The following ABHD3 variants were observed in gnomAD, a reference collection of about 807,000 sequenced individuals.
ABHD3 encodes the protein phospholipase ABHD3.
ABHD3 carries 46 observed loss-of-function variants against 48.8 expected under a neutral mutation model. The ratio of observed to expected loss-of-function variants is 0.94; its 90% CI spans 0.74 to 1.20. ABHD3 has a LOEUF of 1.20. Ranked by LOEUF, ABHD3 falls within the 50% of genes most tolerant of loss-of-function variation. ABHD3 has a pLI of 0.00. For synonymous variants in ABHD3, 192 were observed against 183.7 expected, an observed-to-expected ratio of 1.04 and a Z score of -0.36; for missense variants, 490 against 497.8, an observed-to-expected ratio of 0.98 and a Z score of 0.15.
intron 4 of ABHD3, among the ~76,000 whole-genome samples, chr18:21,669,790 T>C (rs1206175373): frequency 6.6e-6 from 1 of 152,166 alleles, no homozygotes; most frequent in East Asian, 1.9e-4. Flanking sequence ...GCACAGCTGA[T>C]AAACTGCCCA....
At chr18:21,651,807 G>A (rs1377388647) in intron 8 of ABHD3, 44 bp from the exon 9 acceptor site, 35 of 1,276,444 alleles carry the variant, frequency 2.7e-5, no homozygotes, top group Middle Eastern at 2.1e-4. Context: ...AAGAAGGAGA[G>A]AGAAAAATAT....
intron 4 of ABHD3, among the ~76,000 whole-genome samples, chr18:21,671,110 G>A (rs944066764): frequency 6.6e-6 from 1 of 152,162 alleles, no homozygotes; most frequent in East Asian, 1.9e-4. Flanking sequence ...TGTCCAGCCT[G>A]CTCCATGCCC....
At chr18:21,697,269 G>A (rs1180530235) in intron 3 of ABHD3, among the ~76,000 whole-genome samples, 2 of 151,876 alleles carry the variant, frequency 1.3e-5, no homozygotes, top group East Asian at 3.9e-4. Context: ...GAGAGGGGGT[G>A]TCACCATATT....
Position 21,675,262 on chromosome 18 carries a change from G to GTTTT in ABHD3, c.555+8654_555+8657dup, listed in dbSNP as rs61119109. 5.3e-4 allele frequency among the ~76,000 whole-genome samples: 45 copies of GTTTT among 85,492 alleles called. 1 individual carries two copies. The highest frequency in any genetic ancestry group is 9.7e-4 in the South Asian group (2 of 2,068). The allele number at this position is 85,492 out of a possible 152,430, so 56.1% of individuals were successfully genotyped here. A position where few individuals can be genotyped will look rare whatever the true frequency, so the allele number is the denominator to read the frequency against. On this transcript the variant is annotated intron_variant, in intron 4 of 8. Transcript: ENST00000289119. ...TGTCCTCATCTGTGGAATGAGGTGG[G>GTTTT]TTTTTTTTTTTTTTTTTTTTTTTTG... is the stretch of plus-strand genomic sequence containing the variant.
chr18:21,667,082 T>C (rs572860419), intron 4 of ABHD3, among the ~76,000 whole-genome samples: 1 of 106,636 alleles, frequency 9.4e-6, no homozygotes, highest in South Asian at 2.9e-4. Context: ...ATTACATTTT[T>C]TTTTTTTTTT....
chr18:21,677,981 AC>A (rs2039925160), intron 4 of ABHD3, among the ~76,000 whole-genome samples: 1 of 151,242 alleles, frequency 6.6e-6, no homozygotes, highest in East Asian at 1.9e-4. Flanking sequence ...TTTTTTAGAG[AC>A]AGGGTCTCTG....
Position 21,704,686 on chromosome 18 carries a change from G to C in ABHD3, c.-21C>G, listed in dbSNP as rs1951294824. The C allele has an allele frequency of 7.0e-7, 1 of 1,433,834 alleles. No homozygotes were observed. Among genetic ancestry groups the C allele is most frequent in the African/African-American group, 1.7e-5 (1 of 57,800 alleles). 88.8% of individuals were successfully genotyped at this position (1,433,834 alleles called of 1,614,324 possible). ...TGCATGGCCCCCGAGCGCGGCGCGC[G>C]GGTCCTGCGGCGGGAGGAGAGCCGG... On this transcript the variant is annotated 5_prime_UTR_variant, in exon 1 of 9. Transcript: ENST00000289119.
Position 21,651,112 on chromosome 18 carries a change from TTTATC to T in ABHD3, c.*474_*478del, listed in dbSNP as rs1275382844. The T allele has an allele frequency of 2.6e-5, 4 of 152,398 alleles. No individual in the cohort carries two copies. Among genetic ancestry groups the T allele is most frequent in the Non-Finnish European group, 5.9e-5 (4 of 68,088 alleles). The allele number at this position is 152,398 out of a possible 1,614,324, so 9.4% of individuals were successfully genotyped here. A position where few individuals can be genotyped will look rare whatever the true frequency, so the allele number is the denominator to read the frequency against. ...ACATAAAAGATTTAGCACGTTGTAT[TTTATC>T]TTATTTCAGTTTTCATGTTATCATC... On this transcript the variant is annotated 3_prime_UTR_variant, in exon 9 of 9. Coordinates refer to ENST00000289119, the MANE Select transcript of ABHD3 (RefSeq NM_138340.5).
chr18:21,655,557 TG>T (rs1375616612), intron 8 of ABHD3, among the ~76,000 whole-genome samples: 1 of 152,144 alleles, frequency 6.6e-6, no homozygotes, highest in African/African-American at 2.4e-5. Flanking sequence ...GCAGGAAAGT[TG>T]GCGGGGTGTG....
intron 3 of ABHD3, among the ~76,000 whole-genome samples, chr18:21,688,861 A>C (rs1461169618): frequency 6.6e-6 from 1 of 152,218 alleles, no homozygotes; most frequent in Non-Finnish European, 1.5e-5. Context: ...TAAATGTTCT[A>C]AGGGACGAAA....
chr18:21,704,000 T>G (rs2040576925), intron 1 of ABHD3, among the ~76,000 whole-genome samples: 1 of 152,230 alleles, frequency 6.6e-6, no homozygotes, highest in Non-Finnish European at 1.5e-5. Flanking sequence ...CAGGGGATTC[T>G]CCTGCCTCAG....
Position 21,676,408 on chromosome 18 carries a change from T to C in ABHD3, c.555+7512A>G, listed in dbSNP as rs115514887. Among the ~76,000 whole-genome samples, 328 of 152,358 alleles carry C rather than the reference T, an allele frequency of 2.2e-3. 2 individuals are homozygous for C. Among genetic ancestry groups the C allele is most frequent in the African/African-American group, 7.7e-3 (319 of 41,582 alleles). On this transcript the variant is annotated intron_variant, in intron 4 of 8. Transcript: ENST00000289119. Reference sequence around the variant, plus strand: ...GTCCATTTTTAAAACTAACTTTTTTTTAAGGCAGAGTCTTGCTCTGTAGCC... The same window carrying C: ...GTCCATTTTTAAAACTAACTTTTTTCTAAGGCAGAGTCTTGCTCTGTAGCC...
intron 5 of ABHD3, among the ~76,000 whole-genome samples, chr18:21,659,579 T>C (rs1177843919): frequency 6.6e-6 from 1 of 152,168 alleles, no homozygotes; most frequent in South Asian, 2.1e-4. Context: ...TCCTTATATA[T>C]GTATCCTATG....
At chr18:21,702,254 A>G (rs2146341809) in intron 3 of ABHD3, 62 bp downstream of exon 3, 6 of 1,330,908 alleles carry the variant, frequency 4.5e-6, no homozygotes, top group Non-Finnish European at 6.1e-6. Flanking sequence ...ACAAACATGT[A>G]GATATATTTG....
Position 21,697,145 on chromosome 18 carries a change from G to C in ABHD3, c.509+5171C>G, listed in dbSNP as rs187845891. Among the ~76,000 whole-genome samples, 628 of 148,468 alleles carry C rather than the reference G, an allele frequency of 4.2e-3. 2 individuals carry two copies. The highest frequency in any genetic ancestry group is 0.015 in the African/African-American group (601 of 39,778). On this transcript the variant is annotated intron_variant, in intron 3 of 8. Coordinates refer to ENST00000289119, the MANE Select transcript of ABHD3 (RefSeq NM_138340.5). Reference sequence around the variant, plus strand: ...GGCTGGAGTGCAGTGGTGCGATCTCGGATTACTGCAACCTCCACAACCCAG... The same window carrying C: ...GGCTGGAGTGCAGTGGTGCGATCTCCGATTACTGCAACCTCCACAACCCAG...
chr18:21,675,079 C>T (rs1315611928), intron 4 of ABHD3, among the ~76,000 whole-genome samples: 6 of 152,060 alleles, frequency 3.9e-5, no homozygotes, highest in East Asian at 3.9e-4. Flanking sequence ...GATCCTCTCT[C>T]TGAAAACCCT....
chr18:21,695,039 CTTTTT>C (rs1213769453), intron 3 of ABHD3, among the ~76,000 whole-genome samples: 1 of 149,824 alleles, frequency 6.7e-6, no homozygotes, highest in African/African-American at 2.4e-5. Flanking sequence ...ATATGATTTT[CTTTTT>C]TTTTTGAGAT....
chr18:21,660,131 A>G (rs112367123), intron 5 of ABHD3, among the ~76,000 whole-genome samples: 1 of 79,946 alleles, frequency 1.3e-5, no homozygotes, highest in Admixed American at 1.7e-4. Flanking sequence ...ACAGCTAATT[A>G]AAAAAAAAAA....
At chr18:21,693,293 C>A (rs373356041) in intron 3 of ABHD3, among the ~76,000 whole-genome samples, 39 of 152,138 alleles carry the variant, frequency 2.6e-4, no homozygotes, top group African/African-American at 8.4e-4. Context: ...TCCACACAAC[C>A]CTGTGAGGTC....
Sources: allele counts gnomAD v4.1 joint callset (sites outside exome capture counted in the v4.1 genomes callset), GRCh38; gene constraint gnomAD v4.1.1; transcripts MANE v1.5; gene names NCBI Gene and HGNC (gene_info 2026-07-23, HGNC 2026-07-21).